SPMIP2: variants seen among roughly 807,000 people sequenced by gnomAD.
SPMIP2 encodes the protein protein SPMIP2.
chr4:158,907,691 G>C, the SPMIP2 span: 1 of 152,124 alleles, frequency 6.6e-6, no homozygotes, highest in African/African-American at 2.4e-5. Flanking sequence ...AGCTTCTCTT[G>C]GTAAATGTGA....
chr4:158,973,221 T>G, the SPMIP2 span: 1 of 1,613,820 alleles, frequency 6.2e-7, no homozygotes, highest in Non-Finnish European at 8.5e-7. Flanking sequence ...ATATCTGAGA[T>G]CTCCAGTTTT....
the SPMIP2 span, among the ~76,000 whole-genome samples, chr4:158,947,807 G>C: frequency 6.6e-6 from 1 of 151,716 alleles, no homozygotes; most frequent in Admixed American, 6.6e-5. Flanking sequence ...TCCAGAAAGA[G>C]GTCAAACAAG....
At chr4:158,957,952 G>A in the SPMIP2 span, among the ~76,000 whole-genome samples, 1 of 152,112 alleles carries the variant, frequency 6.6e-6, no homozygotes, top group Non-Finnish European at 1.5e-5. Context: ...AATTATATTT[G>A]TAATTTAAAA....
the SPMIP2 span, among the ~76,000 whole-genome samples, chr4:158,986,213 G>C: frequency 6.6e-6 from 1 of 151,732 alleles, no homozygotes; most frequent in Non-Finnish European, 1.5e-5. Flanking sequence ...TACTGCCCAA[G>C]GTAATTTATA....
chr4:158,927,627 G>A, the SPMIP2 span, among the ~76,000 whole-genome samples: 2 of 152,312 alleles, frequency 1.3e-5, no homozygotes, highest in East Asian at 1.9e-4. Flanking sequence ...TCAGCCCACC[G>A]CTGCACTGTG....
chr4:158,910,840 A>G, the SPMIP2 span, among the ~76,000 whole-genome samples: 1 of 151,700 alleles, frequency 6.6e-6, no homozygotes, highest in African/African-American at 2.4e-5. Context: ...ACAGGAGCCA[A>G]CTCCTAAAAA....
the SPMIP2 span, among the ~76,000 whole-genome samples, chr4:159,040,267 G>A: frequency 3.9e-5 from 6 of 151,958 alleles, no homozygotes; most frequent in Non-Finnish European, 5.9e-5. Flanking sequence ...TGCCTCCCAG[G>A]TTCAAGCAAT....
chr4:159,011,741 C>A, the SPMIP2 span, among the ~76,000 whole-genome samples: 10 of 118,842 alleles, frequency 8.4e-5, no homozygotes, highest in Admixed American at 6.8e-4. Context: ...GCAACAAGAT[C>A]GAAACTCCAT....
chr4:159,060,506 T>C, the SPMIP2 span, among the ~76,000 whole-genome samples: 12 of 152,174 alleles, frequency 7.9e-5, no homozygotes, highest in Admixed American at 2.0e-4. Context: ...TCCCAGACAC[T>C]GGAAGAGTGT....
the SPMIP2 span, among the ~76,000 whole-genome samples, chr4:158,996,201 T>C: frequency 6.6e-6 from 1 of 152,200 alleles, no homozygotes; most frequent in Non-Finnish European, 1.5e-5. Flanking sequence ...TCCTGTCAAG[T>C]AGAGAAAGAA....
the SPMIP2 span, among the ~76,000 whole-genome samples, chr4:158,987,268 C>A: frequency 6.6e-6 from 1 of 151,894 alleles, no homozygotes; most frequent in Non-Finnish European, 1.5e-5. Flanking sequence ...TTGACCCAGC[C>A]ATCCCATTAC....
At chr4:158,905,256 G>C in the SPMIP2 span, 1 of 152,268 alleles carries the variant, frequency 6.6e-6, no homozygotes, top group Non-Finnish European at 1.5e-5. Flanking sequence ...AAGAATCAAT[G>C]TAGCCTCTTA....
At chr4:159,028,374 A>G in the SPMIP2 span, among the ~76,000 whole-genome samples, 4 of 152,286 alleles carry the variant, frequency 2.6e-5, no homozygotes, top group Admixed American at 6.5e-5. Context: ...TCTGTTGGCC[A>G]GGCTGGAGTG....
the SPMIP2 span, among the ~76,000 whole-genome samples, chr4:159,021,112 T>C: frequency 1.3e-5 from 2 of 152,070 alleles, no homozygotes; most frequent in East Asian, 3.8e-4. Flanking sequence ...TTTACACATA[T>C]AGTTTCTGTC....
chr4:158,905,314 C>T, the SPMIP2 span: 4 of 152,206 alleles, frequency 2.6e-5, no homozygotes, highest in South Asian at 6.2e-4. Context: ...AGTCTGAAAC[C>T]GTATGTTTTA....
chr4:159,067,757 T>A, the SPMIP2 span, among the ~76,000 whole-genome samples: 3 of 152,042 alleles, frequency 2.0e-5, no homozygotes, highest in South Asian at 6.2e-4. Context: ...TGCAACCTAC[T>A]CATCTGACAA....
chr4:158,951,037 C>T, the SPMIP2 span, among the ~76,000 whole-genome samples: 6 of 152,250 alleles, frequency 3.9e-5, no homozygotes, highest in Admixed American at 3.9e-4. Flanking sequence ...CCACAGCACA[C>T]TGCTTCCCAT....
chr4:158,980,472 C>T, the SPMIP2 span, among the ~76,000 whole-genome samples: 2 of 152,224 alleles, frequency 1.3e-5, no homozygotes, highest in East Asian at 1.9e-4. Flanking sequence ...TGGCATCTGG[C>T]GGGTGCCCCT....
At chr4:158,911,652 A>G in the SPMIP2 span, among the ~76,000 whole-genome samples, 1 of 152,224 alleles carries the variant, frequency 6.6e-6, no homozygotes, top group Non-Finnish European at 1.5e-5. Flanking sequence ...CAGACCAGCA[A>G]CAACTAACTG....
Sources: gnomAD v4.1 joint callset for allele counts (sites outside exome capture counted in the v4.1 genomes callset) on GRCh38, gnomAD v4.1.1 for gene constraint, MANE v1.5 for transcripts, NCBI Gene and HGNC (gene_info 2026-07-23, HGNC 2026-07-21) for gene names.